The following TENT4B variants were observed in gnomAD, a reference collection of about 807,000 sequenced individuals.
TENT4B encodes the protein PAP associated domain containing 5.
In TENT4B, 10 loss-of-function variants were observed where a neutral mutation model predicts 75.0. That is an observed-to-expected ratio of 0.13 (90% CI 0.08 to 0.23). The LOEUF (loss-of-function observed/expected upper bound fraction) is 0.23. Ranked by LOEUF, TENT4B falls within the 10% of genes least tolerant of loss-of-function variation. The pLI is 1.00. For synonymous variants in TENT4B, 350 were observed against 357.7 expected (o/e 0.98, Z 0.24); for missense variants, 579 against 893.8 (o/e 0.65, Z 4.49).
intron 1 of TENT4B, among the ~76,000 whole-genome samples, chr16:50,205,183 G>A (rs968978486): frequency 2.6e-5 from 4 of 152,142 alleles, no homozygotes; most frequent in Middle Eastern, 3.4e-3. Context: ...TAACAGTATC[G>A]TATATAGACC....
intron 1 of TENT4B, among the ~76,000 whole-genome samples, chr16:50,173,014 C>T (rs574750462): frequency 2.0e-5 from 3 of 152,226 alleles, no homozygotes; most frequent in East Asian, 1.9e-4. Flanking sequence ...AATCTTGGCT[C>T]ACTGCAAACT....
intron 1 of TENT4B, among the ~76,000 whole-genome samples, chr16:50,189,729 A>G (rs1458904060): frequency 1.4e-5 from 2 of 142,056 alleles, no homozygotes; most frequent in Non-Finnish European, 1.5e-5. Flanking sequence ...GCATCAAAAA[A>G]TAACCAGATA....
At chr16:50,219,843 A>G (rs1490298074) in intron 5 of TENT4B, among the ~76,000 whole-genome samples, 2 of 138,988 alleles carry the variant, frequency 1.4e-5, no homozygotes, top group African/African-American at 2.7e-5. Context: ...TCATTTTTTG[A>G]CACCGAGTCT....
At position 50,220,988 on chromosome 16, in the gene TENT4B, A is replaced by G. The variant is rs188750871; in HGVS notation, c.1039-1318A>G. 9.8e-5 allele frequency among the ~76,000 whole-genome samples: 15 copies of G among 152,286 alleles called. No homozygotes were observed. The East Asian group carries it at 2.9e-3, about 29-fold the overall frequency. ...GAAAACAGAGATAAGAGTAAAGAAA[A>G]AAAAATGGAAATCACCGGCCAGGTG... On this transcript the variant is annotated intron_variant, in intron 5 of 11. Transcript: ENST00000561678.
chr16:50,190,083 A>T (rs1167279070), intron 1 of TENT4B, among the ~76,000 whole-genome samples: 1 of 113,484 alleles, frequency 8.8e-6, no homozygotes, highest in Non-Finnish European at 2.0e-5. Context: ...TTCAAAAAAA[A>T]AAAAAAAAAA....
At chr16:50,158,577 A>G (rs2037944633) in intron 1 of TENT4B, among the ~76,000 whole-genome samples, 1 of 152,206 alleles carries the variant, frequency 6.6e-6, no homozygotes, top group African/African-American at 2.4e-5. Flanking sequence ...AGTAGCAAAT[A>G]CAGGGAATTT....
At chr16:50,181,752 A>G (rs944009418) in intron 1 of TENT4B, among the ~76,000 whole-genome samples, 1 of 152,068 alleles carries the variant, frequency 6.6e-6, no homozygotes, top group Non-Finnish European at 1.5e-5. Flanking sequence ...TCTGGGACAG[A>G]GAGTGGACAT....
rs2032251640 is a variant in TENT4B at position 50,230,378 on chromosome 16, A to C, written c.*1050A>C. ...AAACTTCGAGTTCCACAGACTTTGCATGCTGGCTTCTCTAACCCTGTGTGC... is the reference window on the plus strand; with the variant it reads ...AAACTTCGAGTTCCACAGACTTTGCCTGCTGGCTTCTCTAACCCTGTGTGC... On this transcript the variant is annotated 3_prime_UTR_variant, in exon 12 of 12. Coordinates refer to ENST00000561678, the MANE Select transcript of TENT4B (RefSeq NM_001365324.3). 1.0e-6 allele frequency: 1 copy of C among 983,852 alleles called. No individual in the cohort carries two copies. The highest frequency in any genetic ancestry group is 1.2e-6 in the Non-Finnish European group (1 of 829,738). The allele number at this position is 983,852 out of a possible 1,614,324, so 60.9% of individuals were successfully genotyped here. A position where few individuals can be genotyped will look rare whatever the true frequency, so the allele number is the denominator to read the frequency against.
intron 1 of TENT4B, among the ~76,000 whole-genome samples, chr16:50,166,511 G>C (rs752459993): frequency 2.6e-5 from 4 of 152,130 alleles, no homozygotes; most frequent in Non-Finnish European, 5.9e-5. Context: ...TGAGCTTGTT[G>C]GCCATGTGCA....
At chr16:50,152,932 GC>G, upstream of TENT4B, 1 of 1,499,744 alleles carries the variant, frequency 6.7e-7, no homozygotes, top group Non-Finnish European at 8.9e-7. Flanking sequence ...CGCGCTCCCT[GC>G]GGGGCGGGCG....
intron 1 of TENT4B, among the ~76,000 whole-genome samples, chr16:50,156,093 G>A (rs757779123): frequency 3.3e-5 from 5 of 152,064 alleles, no homozygotes; most frequent in Non-Finnish European, 7.4e-5. Context: ...ATTAGGAGAG[G>A]AATTTTCATT....
intron 1 of TENT4B, among the ~76,000 whole-genome samples, chr16:50,194,351 G>C (rs1484785463): frequency 2.6e-5 from 4 of 151,760 alleles, no homozygotes; most frequent in Non-Finnish European, 5.9e-5. Flanking sequence ...GAGTTGCTGA[G>C]ATTACAGGCA....
intron 1 of TENT4B, among the ~76,000 whole-genome samples, chr16:50,172,572 C>T (rs1055847455): frequency 5.4e-5 from 8 of 147,948 alleles, no homozygotes; most frequent in Non-Finnish European, 1.2e-4. Context: ...CATAGTTTCT[C>T]TATCTCCCTC....
intron 1 of TENT4B, among the ~76,000 whole-genome samples, chr16:50,195,222 A>C (rs1422805663): frequency 1.3e-5 from 2 of 152,172 alleles, no homozygotes; most frequent in Non-Finnish European, 2.9e-5. Flanking sequence ...AATAGGTAAG[A>C]GCTTCTTTGA....
chr16:50,159,083 G>A (rs930203707), intron 1 of TENT4B, among the ~76,000 whole-genome samples: 8 of 152,134 alleles, frequency 5.3e-5, no homozygotes, highest in Non-Finnish European at 7.4e-5. Context: ...CACTGCCGTA[G>A]GGCAGTATCC....
chr16:50,192,095 A>T (rs2038651305), intron 1 of TENT4B, among the ~76,000 whole-genome samples: 1 of 152,074 alleles, frequency 6.6e-6, no homozygotes, highest in Admixed American at 6.5e-5. Flanking sequence ...TACAAAAATT[A>T]GCCACGCATG....
chr16:50,181,079 T>C (rs2038406094), intron 1 of TENT4B, among the ~76,000 whole-genome samples: 1 of 152,250 alleles, frequency 6.6e-6, no homozygotes, highest in Admixed American at 6.5e-5. Flanking sequence ...TGTAACACAA[T>C]TGCTTTTTGG....
chr16:50,164,901 A>G lies in TENT4B; in HGVS notation c.638+10642A>G, dbSNP rs117587888. On this transcript the variant is annotated intron_variant, in intron 1 of 11. Coordinates refer to ENST00000561678, the MANE Select transcript of TENT4B (RefSeq NM_001365324.3). Reference sequence around the variant, plus strand: ...ACTCCGTCTCTACCAAAAAAAAAAAATTAGCCAGGCATGGTGATGGCGTGC... The same window carrying G: ...ACTCCGTCTCTACCAAAAAAAAAAAGTTAGCCAGGCATGGTGATGGCGTGC... Among the ~76,000 whole-genome samples the G allele has an allele frequency of 4.2e-3, 641 of 151,774 alleles. 5 individuals carry two copies. Among genetic ancestry groups the G allele is most frequent in the African/African-American group, 0.015 (622 of 41,386 alleles).
chr16:50,218,474 C>G (rs1474651083), intron 5 of TENT4B, among the ~76,000 whole-genome samples: 1 of 152,052 alleles, frequency 6.6e-6, no homozygotes, highest in Non-Finnish European at 1.5e-5. Flanking sequence ...GTACCTGGGA[C>G]TCGTGCCTGG....
Sources: allele counts gnomAD v4.1 joint callset (sites outside exome capture counted in the v4.1 genomes callset), GRCh38; gene constraint gnomAD v4.1.1; transcripts MANE v1.5; gene names NCBI Gene and HGNC (gene_info 2026-07-23, HGNC 2026-07-21).